The following DST variants were observed in gnomAD, a reference collection of about 807,000 sequenced individuals.
DST encodes the protein dystonin.
DST carries 253 observed loss-of-function variants against 875.2 expected under a neutral mutation model. The observed-to-expected ratio is 0.29, with a 90% CI of 0.26 to 0.32. The LOEUF (loss-of-function observed/expected upper bound fraction) is 0.32. DST is among the 10% of genes least tolerant of loss of function. DST has a pLI of 1.00. For synonymous variants in DST, 3,124 were observed against 3,197.1 expected (o/e 0.98, Z 0.77); for missense variants, 8,287 against 9,111.6 (o/e 0.91, Z 3.68).
At chr6:56,894,530 G>C (rs1789842435) in intron 3 of DST, among the ~76,000 whole-genome samples, 1 of 67,596 alleles carries the variant, frequency 1.5e-5, no homozygotes, top group African/African-American at 1.0e-4. Flanking sequence ...CGGGCGGGGG[G>C]CTGACCCCCC....
At chr6:56,643,351 T>C (rs2098923509) in intron 15 of DST, among the ~76,000 whole-genome samples, 1 of 152,242 alleles carries the variant, frequency 6.6e-6, no homozygotes, top group African/African-American at 2.4e-5. Flanking sequence ...GCTTCCATTT[T>C]AACCACCATG....
intron 4 of DST, among the ~76,000 whole-genome samples, chr6:56,737,022 G>A (rs1022043883): frequency 2.7e-5 from 4 of 146,530 alleles, no homozygotes; most frequent in Non-Finnish European, 4.5e-5. Context: ...GATGAAATCC[G>A]TGTTTACAAA....
In DST at chr6:56,633,195, G is replaced by T. The variant is rs60599813; in HGVS notation, c.3622-158C>A. Among the ~76,000 whole-genome samples, 22,013 of 147,892 alleles carry T rather than the reference G, an allele frequency of 0.15. 4,197 individuals are homozygous for T. The highest frequency in any genetic ancestry group is 0.45 in the African/African-American group (17,428 of 38,674). Reference sequence around the variant, plus strand: ...TCTTTTTCATTAACAATTTTAGGTGGTTTTTTTTTGTTTTTTGTTTTGAGA... The same window carrying T: ...TCTTTTTCATTAACAATTTTAGGTGTTTTTTTTTTGTTTTTTGTTTTGAGA... On this transcript the variant is annotated intron_variant, in intron 27 of 103. Coordinates refer to ENST00000680361, the MANE Select transcript of DST (RefSeq NM_001374736.1).
chr6:56,938,108 C>CTCTCTCTCTA (rs1383243392), intron 2 of DST, among the ~76,000 whole-genome samples: 28 of 120,748 alleles, frequency 2.3e-4, no homozygotes, highest in African/African-American at 9.4e-4. Context: ...CTCTCTCTCT[C>CTCTCTCTCTA]TATATATATA....
chr6:56,713,032 T>C (rs1008567645), intron 5 of DST, among the ~76,000 whole-genome samples: 1 of 152,220 alleles, frequency 6.6e-6, no homozygotes, highest in Non-Finnish European at 1.5e-5. Context: ...TCTCAAGTCA[T>C]GTGCTTCTAA....
rs537504700 is a variant in DST at position 56,753,692 on chromosome 6, T to C, written c.626-18403A>G. The stretch of plus-strand genomic sequence containing the variant: ...CTGGCTTCTGCTAATCTCTATCTAC[T>C]TTAGTAACCACAGAATTATCAAATG... On this transcript the variant is annotated intron_variant, in intron 4 of 103. Coordinates refer to ENST00000680361, the MANE Select transcript of DST (RefSeq NM_001374736.1). Among the ~76,000 whole-genome samples, 201 of 152,144 alleles carry C rather than the reference T, an allele frequency of 1.3e-3. 1 individual carries two copies. Among genetic ancestry groups the C allele is most frequent in the African/African-American group, 4.5e-3 (189 of 41,550 alleles).
At chr6:56,537,472 T>C (rs751871446) in intron 61 of DST, among the ~76,000 whole-genome samples, 15 of 152,178 alleles carry the variant, frequency 9.9e-5, no homozygotes, top group Admixed American at 3.9e-4. Flanking sequence ...AAACATGGCT[T>C]GGCAGGAGGG....
intron 55 of DST, among the ~76,000 whole-genome samples, chr6:56,564,100 T>C (rs1301720169): frequency 1.3e-5 from 2 of 152,208 alleles, no homozygotes; most frequent in East Asian, 3.8e-4. Flanking sequence ...TAGTTTTTTC[T>C]AATTCTGTGA....
intron 9 of DST, among the ~76,000 whole-genome samples, chr6:56,678,800 A>C (rs1267203612): frequency 1.3e-5 from 2 of 152,184 alleles, no homozygotes; most frequent in African/African-American, 4.8e-5. Flanking sequence ...TGGAGATGGG[A>C]CCAAAATTAT....
rs753504801 is a variant in DST, at chr6:56,851,612, G to T, written c.418-8C>A. The T allele has an allele frequency of 1.3e-4, 209 of 1,612,656 alleles. 2 individuals are homozygous for T. In the Middle Eastern group the frequency reaches 5.6e-3, roughly 43 times the overall value. On this transcript the variant is annotated splice_polypyrimidine_tract_variant and splice_region_variant and intron_variant, in intron 3 of 103. Transcript: ENST00000680361. ...GGACGCGTTCCCGGAACTCTACAGA[G>T]AATGACACAGAAAAAGCATTAACAG...
chr6:56,893,454 C>T (rs1246814249), intron 3 of DST, among the ~76,000 whole-genome samples: 2 of 151,372 alleles, frequency 1.3e-5, no homozygotes, highest in East Asian at 3.9e-4. Flanking sequence ...AATTGTACTG[C>T]TATAAACACA....
At chr6:56,692,893 G>A in intron 9 of DST, 1 of 1,289,762 alleles carries the variant, frequency 7.8e-7, no homozygotes, top group Non-Finnish European at 1.0e-6. Flanking sequence ...AGAGTTTAGG[G>A]TAACAGATTC....
intron 10 of DST, among the ~76,000 whole-genome samples, chr6:56,654,585 G>GATATATATATATAT (rs2098993681): frequency 8.4e-6 from 1 of 118,822 alleles, no homozygotes; most frequent in African/African-American, 5.0e-5. Context: ...TCTCCCCTAG[G>GATATATATATATAT]CTATATATAT....
At position 56,527,681 on chromosome 6, in the gene DST, T is replaced by C; in HGVS notation, c.17734A>G (p.Lys5912Glu). ...DKLEAIKARY[K>E]DITKLSTDVA... ...TCAGTGCTCAGTTTAGTAATGTCTT[T>C]GTACCTTGCTTTAATGGCTTCCAAT... Residue 5912 changes from lysine (K) to glutamate (E), a missense_variant, in exon 68 of 104, where the codon AAA becomes GAA. Around this residue, in one of 10 missense-constraint regions of DST, gnomAD observed 777 missense variants for 764.8 expected, o/e 1.02. Transcript: ENST00000680361. 1.2e-6 allele frequency: 2 copies of C among 1,612,968 alleles called. No individual in the cohort carries two copies. The highest frequency in any genetic ancestry group is 2.7e-5 in the African/African-American group (2 of 75,028).
intron 4 of DST, among the ~76,000 whole-genome samples, chr6:56,831,851 T>A (rs1482803670): frequency 6.6e-6 from 1 of 152,054 alleles, no homozygotes; most frequent in Non-Finnish European, 1.5e-5. Context: ...TGGTAATGTG[T>A]TCACTTGAAG....
intron 50 of DST, among the ~76,000 whole-genome samples, chr6:56,578,366 C>T (rs1263742331): frequency 2.0e-5 from 3 of 151,954 alleles, no homozygotes; most frequent in African/African-American, 7.2e-5. Flanking sequence ...AAAGTAACCC[C>T]TGTCTCTAAA....
intron 4 of DST, among the ~76,000 whole-genome samples, chr6:56,841,689 CTG>C (rs1180286231): frequency 2.0e-5 from 3 of 152,100 alleles, no homozygotes; most frequent in African/African-American, 7.2e-5. Flanking sequence ...TTATTTCTGA[CTG>C]TATAGAGCAC....
At chr6:56,620,007 C>G in intron 36 of DST, 2 of 1,614,060 alleles carry the variant, frequency 1.2e-6, no homozygotes, top group Non-Finnish European at 1.7e-6. Flanking sequence ...CATGATGTAG[C>G]CTGTGTGATC....
chr6:56,651,370 A>C, intron 10 of DST, 126 bp from the exon 11 acceptor site: 1 of 557,536 alleles, frequency 1.8e-6, no homozygotes, highest in East Asian at 2.9e-5. Flanking sequence ...GTTAAAATGC[A>C]GAGACTTTCA....
Sources: allele counts gnomAD v4.1 joint callset (sites outside exome capture counted in the v4.1 genomes callset), GRCh38; gene constraint gnomAD v4.1.1; regional missense constraint gnomAD v4.1.1; transcripts MANE v1.5; gene names NCBI Gene and HGNC (gene_info 2026-07-23, HGNC 2026-07-21).